The following TMEM50B variants were observed in gnomAD, a reference collection of about 807,000 sequenced individuals.
TMEM50B encodes HCV p7-trans-regulated protein 3.
A neutral mutation model predicts 23.4 loss-of-function variants in TMEM50B; 14 were observed. The observed-to-expected ratio is 0.60, with a 90% CI of 0.39 to 0.93. TMEM50B has a LOEUF of 0.93. Ranked by LOEUF, TMEM50B falls within the 40% of genes least tolerant of loss-of-function variation. The pLI is 0.00. For missense variants in TMEM50B, 159 were observed against 193.0 expected, an observed-to-expected ratio of 0.82 and a Z score of 1.04; for synonymous variants, 64 against 62.3, an observed-to-expected ratio of 1.03 and a Z score of -0.13.
chr21:33,437,124 A>T (rs1312502377), intron 8 of TMEM50B: 7 of 613,964 alleles, frequency 1.1e-5, no homozygotes, highest in African/African-American at 7.5e-5. Context: ...GGGGGTGACA[A>T]GCTTTTTTTT....
Position 33,450,830 on chromosome 21 carries a change from C to T in TMEM50B, c.465G>A (p.Glu155=), listed in dbSNP as rs771453165. Reference sequence around the variant, plus strand: ...TTAAGAAGTGATCTCAGGTCCATAGCTCTTCGGTTCTTCCAAATTTGTAGA... The same window carrying T: ...TTAAGAAGTGATCTCAGGTCCATAGTTCTTCGGTTCTTCCAAATTTGTAGA... ...TLIYKFGRTE[E]LWT Residue 155 remains glutamate (E), a synonymous_variant, in exon 7 of 7, where the codon GAG becomes GAA. Coordinates refer to ENST00000542230, the MANE Select transcript of TMEM50B (RefSeq NM_006134.7). 2 of 1,613,016 alleles carry T rather than the reference C, an allele frequency of 1.2e-6. No homozygotes were observed. The highest frequency in any genetic ancestry group is 1.1e-5 in the South Asian group (1 of 90,950).
chr21:33,458,583 C>T (rs1254014318), intron 5 of TMEM50B, among the ~76,000 whole-genome samples: 1 of 152,134 alleles, frequency 6.6e-6, no homozygotes, highest in South Asian at 2.1e-4. Context: ...TTAGTGGCTG[C>T]CTAGGGCTAG....
intron 6 of TMEM50B, among the ~76,000 whole-genome samples, chr21:33,454,901 G>A (rs1415839678): frequency 6.6e-6 from 1 of 152,052 alleles, no homozygotes; most frequent in Non-Finnish European, 1.5e-5. Flanking sequence ...CAAATTGTCT[G>A]AGCTCAGGAG....
At chr21:33,447,918 G>C (rs936951928), downstream of TMEM50B, among the ~76,000 whole-genome samples, 1 of 152,198 alleles carries the variant, frequency 6.6e-6, no homozygotes, top group African/African-American at 2.4e-5. Context: ...TGCATTTGTA[G>C]ATGATTACCA....
rs530143530 is a variant in TMEM50B at position 33,440,835 on chromosome 21, T to C, written c.*2037-1538A>G. Among the ~76,000 whole-genome samples the C allele has an allele frequency of 1.8e-3, 280 of 151,924 alleles. 1 individual carries two copies. The highest frequency in any genetic ancestry group is 6.4e-3 in the East Asian group (33 of 5,170). ...AGGCAGAGGTTGCAGTGAGCCAAGATTGCACCACTGCACTCCACCTGGGCG... is the reference window on the plus strand; with the variant it reads ...AGGCAGAGGTTGCAGTGAGCCAAGACTGCACCACTGCACTCCACCTGGGCG... On this transcript the variant is annotated intron_variant and NMD_transcript_variant, in intron 7 of 8. Coordinates refer to the TMEM50B transcript ENST00000420455.
At chr21:33,464,803 T>TCAAAAAAAAAAAAAAA (rs2084249822) in intron 4 of TMEM50B, among the ~76,000 whole-genome samples, 1 of 28,182 alleles carries the variant, frequency 3.5e-5, no homozygotes, top group Non-Finnish European at 6.2e-5. Flanking sequence ...AAACTCCGTC[T>TCAAAAAAAAAAAAAAA]CAAAAAAAAA....
intron 8 of TMEM50B, chr21:33,437,120 G>A: frequency 1.6e-6 from 1 of 606,436 alleles, no homozygotes; most frequent in Non-Finnish European, 2.9e-6. Context: ...TCATGGGGGT[G>A]ACAAGCTTTT....
chr21:33,437,303 GA>G, intron 8 of TMEM50B: 3 of 277,060 alleles, frequency 1.1e-5, no homozygotes, highest in South Asian at 7.8e-5. Context: ...TGAGCAGTCA[GA>G]AGACCTGGTC....
chr21:33,438,731 CTT>C (rs200509447), intron 8 of TMEM50B, among the ~76,000 whole-genome samples: 1 of 147,796 alleles, frequency 6.8e-6, no homozygotes, highest in Admixed American at 6.7e-5. Context: ...AAGAAAGTGG[CTT>C]TTTTTTTTTC....
At chr21:33,475,209 G>A (rs2084357248) in intron 1 of TMEM50B, among the ~76,000 whole-genome samples, 1 of 152,102 alleles carries the variant, frequency 6.6e-6, no homozygotes, top group Admixed American at 6.6e-5. Context: ...TACAGGTGTT[G>A]AGCCACTGCG....
chr21:33,465,343 T>C lies in TMEM50B; in HGVS notation c.279A>G (p.Thr93=). The change falls in exon 4 of 7, where the codon ACA becomes ACG. Residue 93 remains threonine, a splice_region_variant and synonymous_variant. Transcript: ENST00000542230. ...ATTAACAGCTCAAAGTATCTTTACC[T>C]GTTCTTCCTAAACAGCCGCTTTCAT... is the stretch of plus-strand genomic sequence containing the variant. ...DSYESGCLGR[T]GARVWLFIGF... 1 of 1,612,934 alleles carries C rather than the reference T, an allele frequency of 6.2e-7. No homozygotes were observed. Among genetic ancestry groups the C allele is most frequent in the Non-Finnish European group, 8.5e-7 (1 of 1,179,410 alleles).
chr21:33,452,347 G>A (rs1469729410), intron 6 of TMEM50B, among the ~76,000 whole-genome samples: 1 of 152,208 alleles, frequency 6.6e-6, no homozygotes, highest in Non-Finnish European at 1.5e-5. Context: ...CGTACAGACA[G>A]CCACACAGAG....
At chr21:33,457,218 CACTCTAGCCTGG>C (rs2084176950) in intron 5 of TMEM50B, among the ~76,000 whole-genome samples, 1 of 151,718 alleles carries the variant, frequency 6.6e-6, no homozygotes, top group Non-Finnish European at 1.5e-5. Context: ...TATACCACTG[CACTCTAGCCTGG>C]ACGACAGGGC....
At chr21:33,472,554 C>T (rs2084327637) in intron 1 of TMEM50B, among the ~76,000 whole-genome samples, 1 of 151,628 alleles carries the variant, frequency 6.6e-6, no homozygotes, top group Non-Finnish European at 1.5e-5. Flanking sequence ...GAAGAAAAGA[C>T]AGAATAAGAA....
chr21:33,477,682 C>T (rs1345549532), intron 1 of TMEM50B, among the ~76,000 whole-genome samples: 2 of 151,280 alleles, frequency 1.3e-5, no homozygotes, highest in East Asian at 1.9e-4. Flanking sequence ...TGGCGGCGGG[C>T]GCCTGTAATC....
intron 6 of TMEM50B, 76 bp from the exon 7 acceptor site, chr21:33,450,939 C>T: frequency 7.3e-6 from 9 of 1,239,816 alleles, no homozygotes; most frequent in South Asian, 1.3e-5. Flanking sequence ...TCTCAATATG[C>T]TTTGACAGGT....
chr21:33,461,883 A>G (rs989745017), intron 4 of TMEM50B, among the ~76,000 whole-genome samples: 6 of 152,154 alleles, frequency 3.9e-5, no homozygotes, highest in Admixed American at 3.9e-4. Flanking sequence ...TAATAGAATT[A>G]AACAAGAAAA....
intron 8 of TMEM50B, among the ~76,000 whole-genome samples, chr21:33,438,569 A>G (rs1601101162): frequency 6.6e-6 from 1 of 152,018 alleles, no homozygotes; most frequent in Non-Finnish European, 1.5e-5. Context: ...AGGCCGAGGC[A>G]GGCAGATCAC....
At chr21:33,459,219 T>C (rs1363161176) in intron 5 of TMEM50B, among the ~76,000 whole-genome samples, 2 of 152,208 alleles carry the variant, frequency 1.3e-5, no homozygotes, top group African/African-American at 4.8e-5. Flanking sequence ...TCATCACTAC[T>C]GTGAATGAAA....
Sources: allele counts gnomAD v4.1 joint callset (sites outside exome capture counted in the v4.1 genomes callset), GRCh38; gene constraint gnomAD v4.1.1; transcripts MANE v1.5; gene names NCBI Gene and HGNC (gene_info 2026-07-23, HGNC 2026-07-21).